APBB2: variants seen among roughly 807,000 people sequenced by gnomAD.
The protein encoded by APBB2 is Fe65-like 1.
Under a neutral mutation model 82.5 loss-of-function variants are expected in APBB2, and 38 were observed. That is an observed-to-expected ratio of 0.46 (90% confidence interval 0.36 to 0.60). APBB2 has a LOEUF of 0.60. Among genes scored for constraint, APBB2 ranks in the 20% least tolerant of loss-of-function variants. APBB2 has a pLI of 0.00. For missense variants in APBB2, 772 were observed against 972.3 expected (o/e 0.79, Z 2.74); for synonymous variants, 341 against 368.2 (o/e 0.93, Z 0.85).
intron 6 of APBB2, among the ~76,000 whole-genome samples, chr4:40,952,356 G>A (rs1314363404): frequency 1.3e-5 from 2 of 152,060 alleles, no homozygotes; most frequent in Non-Finnish European, 2.9e-5. Flanking sequence ...ATTATACACC[G>A]TGTATGCCCC....
intron 6 of APBB2, among the ~76,000 whole-genome samples, chr4:40,991,231 G>A (rs1292778438): frequency 7.2e-6 from 1 of 139,030 alleles, no homozygotes; most frequent in Non-Finnish European, 1.5e-5. Context: ...TGCCCAGGCT[G>A]GTCTCGAACT....
chr4:41,067,406 C>T (rs940625613), intron 3 of APBB2, among the ~76,000 whole-genome samples: 12 of 146,114 alleles, frequency 8.2e-5, no homozygotes, highest in Non-Finnish European at 1.5e-4. Flanking sequence ...AGTGAAACTC[C>T]GTCTCAAAAA....
chr4:40,916,133 T>G (rs17103), intron 10 of APBB2, among the ~76,000 whole-genome samples: 22,273 of 152,224 alleles, frequency 0.15, 2,101 homozygotes, highest in Middle Eastern at 0.21. Flanking sequence ...TAGGTAGTTG[T>G]TCTAAAGAAT....
In APBB2 at chr4:40,832,674, C is replaced by A. The variant is rs1345413283; in HGVS notation, c.1530-2097G>T. ...GGCCATCTCCATCCCCTTGCCAGGACTCAGCTGAAGATGGGTGAGAGCCTG... is the reference window on the plus strand; with the variant it reads ...GGCCATCTCCATCCCCTTGCCAGGAATCAGCTGAAGATGGGTGAGAGCCTG... On this transcript the variant is annotated intron_variant, in intron 12 of 17. Coordinates refer to ENST00000508593, the MANE Select transcript of APBB2 (RefSeq NM_004307.2). This position sits in a 1 kb window ranked among gnomAD's most constrained non-coding sequence, Gnocchi z 4.8. 6.6e-6 allele frequency among the ~76,000 whole-genome samples: 1 copy of A among 152,186 alleles called. No homozygotes were observed. The highest frequency in any genetic ancestry group is 6.5e-5 in the Admixed American group (1 of 15,278).
At chr4:41,152,444 T>TC (rs1199015406) in intron 1 of APBB2, among the ~76,000 whole-genome samples, 3 of 152,010 alleles carry the variant, frequency 2.0e-5, no homozygotes, top group African/African-American at 7.2e-5. Context: ...TGCCTCAGCC[T>TC]CCCGAGTAGC....
chr4:40,974,990 A>G (rs1230294018), intron 6 of APBB2, among the ~76,000 whole-genome samples: 1 of 152,234 alleles, frequency 6.6e-6, no homozygotes, highest in Non-Finnish European at 1.5e-5. Flanking sequence ...GCTAACTGCT[A>G]CAACAAGAGA....
chr4:41,051,101 A>G (rs1282438279), intron 4 of APBB2, among the ~76,000 whole-genome samples: 2 of 151,730 alleles, frequency 1.3e-5, no homozygotes, highest in Non-Finnish European at 2.9e-5. Flanking sequence ...GGAAAGCGGA[A>G]GTCAGGAATC....
chr4:40,854,696 G>A (rs1040722988), intron 12 of APBB2, among the ~76,000 whole-genome samples: 6 of 151,268 alleles, frequency 4.0e-5, no homozygotes, highest in Admixed American at 4.0e-4. Context: ...GGCTGAGGCA[G>A]GAGAATCGCT....
At chr4:40,977,839 T>TGG (rs1797569812) in intron 6 of APBB2, among the ~76,000 whole-genome samples, 1 of 152,194 alleles carries the variant, frequency 6.6e-6, no homozygotes, top group Admixed American at 6.5e-5. Context: ...CAAAGAGCCT[T>TGG]AGTTCTAATG....
intron 2 of APBB2, among the ~76,000 whole-genome samples, chr4:41,101,662 T>C (rs1040189910): frequency 1.3e-5 from 2 of 151,782 alleles, no homozygotes; most frequent in Non-Finnish European, 2.9e-5. Flanking sequence ...ACCTCACTTA[T>C]AACACGCTAC....
At chr4:40,930,788 C>T (rs891778993) in intron 10 of APBB2, among the ~76,000 whole-genome samples, 2 of 152,144 alleles carry the variant, frequency 1.3e-5, no homozygotes, top group African/African-American at 4.8e-5. Context: ...CGCTCTGTCG[C>T]CCAGGCTGGA....
intron 1 of APBB2, among the ~76,000 whole-genome samples, chr4:41,180,414 G>A (rs1400459684): frequency 2.0e-5 from 3 of 152,138 alleles, no homozygotes; most frequent in African/African-American, 7.2e-5. Context: ...AGACCAGCCT[G>A]TAAAACTTAG....
intron 5 of APBB2, among the ~76,000 whole-genome samples, chr4:41,028,001 A>G (rs931535016): frequency 6.6e-6 from 1 of 152,218 alleles, no homozygotes; most frequent in Non-Finnish European, 1.5e-5. Flanking sequence ...ACAAGAGCTA[A>G]TATTACTGCT....
At chr4:40,897,693 G>C (rs1314754540) in intron 10 of APBB2, among the ~76,000 whole-genome samples, 1 of 152,166 alleles carries the variant, frequency 6.6e-6, no homozygotes. Flanking sequence ...ACAGGTGTAA[G>C]CGGGACTAGG....
intron 17 of APBB2, among the ~76,000 whole-genome samples, chr4:40,816,850 TTTG>T (rs1467095177): frequency 6.6e-6 from 1 of 152,244 alleles, no homozygotes; most frequent in East Asian, 1.9e-4. Context: ...TTCAGAAATG[TTTG>T]TTTCCTTCCC....
intron 7 of APBB2, among the ~76,000 whole-genome samples, chr4:40,941,464 C>T (rs995679700): frequency 3.3e-5 from 5 of 152,132 alleles, no homozygotes; most frequent in East Asian, 1.9e-4. Flanking sequence ...TTGTGAAGTT[C>T]GGGGTGGAAA....
chr4:40,940,917 G>A (rs541561811), intron 7 of APBB2, among the ~76,000 whole-genome samples: 28 of 152,244 alleles, frequency 1.8e-4, no homozygotes, highest in Non-Finnish European at 3.2e-4. Context: ...TTTGGGCGGG[G>A]AGGAGCACCA....
chr4:41,152,672 T>G (rs968036075), intron 1 of APBB2, among the ~76,000 whole-genome samples: 2 of 152,202 alleles, frequency 1.3e-5, no homozygotes, highest in African/African-American at 4.8e-5. Flanking sequence ...CTTGTTTTCT[T>G]GTAGGACTGG....
At chr4:40,846,824 G>A (rs1382028306) in intron 12 of APBB2, among the ~76,000 whole-genome samples, 1 of 151,948 alleles carries the variant, frequency 6.6e-6, no homozygotes, top group East Asian at 1.9e-4. Context: ...ATGAGGAGGA[G>A]GGAAAAAGGA....
Sources: gnomAD v4.1 joint callset for allele counts (sites outside exome capture counted in the v4.1 genomes callset) on GRCh38, gnomAD v4.1.1 for gene constraint, Gnocchi (gnomAD v3.1) non-coding constraint, MANE v1.5 for transcripts, NCBI Gene and HGNC (gene_info 2026-07-23, HGNC 2026-07-21) for gene names.